The following SDK1 variants were observed in gnomAD, a reference collection of about 807,000 sequenced individuals.
SDK1 encodes sidekick cell adhesion molecule 1.
In SDK1, 157 loss-of-function variants were observed where a neutral mutation model predicts 245.5. The observed-to-expected ratio is 0.64, with a 90% CI of 0.56 to 0.73. The LOEUF is 0.73. SDK1 is among the 30% of genes least tolerant of loss of function. The pLI is 0.00. For missense variants in SDK1, 3,583 were observed against 3,002.3 expected, an observed-to-expected ratio of 1.19 and a Z score of -4.52; for synonymous variants, 1,647 against 1,278.5, an observed-to-expected ratio of 1.29 and a Z score of -6.15.
chr7:3,698,926 G>A (rs1206853876), intron 4 of SDK1, among the ~76,000 whole-genome samples: 1 of 152,134 alleles, frequency 6.6e-6, no homozygotes, highest in Non-Finnish European at 1.5e-5. Context: ...GGACACAAAG[G>A]ATCAGTCTAT....
intron 1 of SDK1, among the ~76,000 whole-genome samples, chr7:3,602,330 C>G (rs1482372019): frequency 6.6e-6 from 1 of 151,116 alleles, no homozygotes; most frequent in Non-Finnish European, 1.5e-5. Context: ...CACATCCTCT[C>G]CAGCACCTGT....
chr7:3,641,840 G>C, intron 3 of SDK1, 118 bp from the exon 4 acceptor site: 2 of 805,234 alleles, frequency 2.5e-6, no homozygotes, highest in South Asian at 1.8e-5. Flanking sequence ...GCTCGTCCTG[G>C]TGTGAAATGT....
At chr7:3,969,029 T>C (rs1179254923) in intron 10 of SDK1, among the ~76,000 whole-genome samples, 2 of 152,026 alleles carry the variant, frequency 1.3e-5, no homozygotes, top group Non-Finnish European at 2.9e-5. Context: ...AACCATCAGA[T>C]CTCATGAGAA....
At chr7:4,221,855 C>A (rs1182255001) in intron 40 of SDK1, among the ~76,000 whole-genome samples, 1 of 152,156 alleles carries the variant, frequency 6.6e-6, no homozygotes, top group Non-Finnish European at 1.5e-5. Flanking sequence ...CCATTTCCAG[C>A]CTTATTCACC....
At chr7:4,102,842 C>G (rs909257173) in intron 22 of SDK1, among the ~76,000 whole-genome samples, 4 of 151,958 alleles carry the variant, frequency 2.6e-5, no homozygotes, top group African/African-American at 4.8e-5. Flanking sequence ...AGACAGACAG[C>G]TCCCCTAATG....
intron 1 of SDK1, among the ~76,000 whole-genome samples, chr7:3,556,541 C>T (rs575590552): frequency 1.8e-4 from 27 of 152,154 alleles, no homozygotes; most frequent in African/African-American, 6.0e-4. Context: ...AACTAGAGGC[C>T]AGGTGTGGTG....
chr7:3,662,684 T>C (rs1783403351), intron 4 of SDK1, among the ~76,000 whole-genome samples: 1 of 152,222 alleles, frequency 6.6e-6, no homozygotes, highest in South Asian at 2.1e-4. Flanking sequence ...TCTAAATGTG[T>C]CTCACAGATG....
intron 4 of SDK1, among the ~76,000 whole-genome samples, chr7:3,812,779 G>A (rs1188977529): frequency 6.6e-6 from 1 of 152,114 alleles, no homozygotes; most frequent in Non-Finnish European, 1.5e-5. Context: ...TTTCTCCTCT[G>A]AGCAAGCCTG....
intron 5 of SDK1, among the ~76,000 whole-genome samples, chr7:3,880,988 C>T (rs78665304): frequency 6.6e-6 from 1 of 152,044 alleles, no homozygotes; most frequent in East Asian, 1.9e-4. Flanking sequence ...GCCCACTCAC[C>T]CTTGAGAACA....
intron 40 of SDK1, among the ~76,000 whole-genome samples, chr7:4,231,851 G>C (rs964584913): frequency 1.1e-4 from 16 of 152,100 alleles, no homozygotes; most frequent in African/African-American, 3.9e-4. Context: ...GATTCCGGGT[G>C]GGTGATAAGG....
intron 34 of SDK1, among the ~76,000 whole-genome samples, chr7:4,177,724 A>G (rs1782301617): frequency 6.6e-6 from 1 of 152,224 alleles, no homozygotes; most frequent in East Asian, 1.9e-4. Flanking sequence ...GGAGGATTCA[A>G]GTGCATCCCA....
At chr7:4,148,911 C>T (rs926276277) in intron 29 of SDK1, among the ~76,000 whole-genome samples, 3 of 152,144 alleles carry the variant, frequency 2.0e-5, no homozygotes, top group East Asian at 1.9e-4. Context: ...CAAAAATTAG[C>T]TGGGCGTGGT....
At chr7:3,586,895 G>C (rs1004242541) in intron 1 of SDK1, among the ~76,000 whole-genome samples, 4 of 152,170 alleles carry the variant, frequency 2.6e-5, no homozygotes, top group African/African-American at 7.2e-5. Context: ...GCTGTTGTGA[G>C]AGCCAGCGTA....
At chr7:3,912,886 C>T (rs1779226318) in intron 5 of SDK1, among the ~76,000 whole-genome samples, 1 of 152,186 alleles carries the variant, frequency 6.6e-6, no homozygotes, top group South Asian at 2.1e-4. Flanking sequence ...AGTGCAGTGA[C>T]CTTTCCACTA....
chr7:3,363,453 C>G (rs549353415), intron 1 of SDK1, among the ~76,000 whole-genome samples: 2 of 151,964 alleles, frequency 1.3e-5, no homozygotes, highest in African/African-American at 4.8e-5. Flanking sequence ...TATTGTGTAT[C>G]CATTTTTTTC....
At chr7:4,263,456 CCTCTCTTGAGTGAGGGAGTCCGCGTAGAT>C (rs1788188118) in intron 44 of SDK1, among the ~76,000 whole-genome samples, 5 of 148,926 alleles carry the variant, frequency 3.4e-5, no homozygotes, top group African/African-American at 4.9e-5. Flanking sequence ...GCCGCGTAGA[CCTCTCTTGAGTGAGGGAGTCCGCGTAGAT>C]CTCTCCTGAG....
chr7:3,429,162 C>T (rs1005979825), intron 1 of SDK1, among the ~76,000 whole-genome samples: 2 of 152,024 alleles, frequency 1.3e-5, no homozygotes, highest in South Asian at 2.1e-4. Flanking sequence ...GTTCAGGGTA[C>T]AAGAGAACTG....
chr7:3,996,231 A>T (rs1004731728), intron 14 of SDK1, among the ~76,000 whole-genome samples: 5 of 152,082 alleles, frequency 3.3e-5, no homozygotes, highest in Non-Finnish European at 7.4e-5. Flanking sequence ...CTTGTGGATT[A>T]TTTAGTTCCA....
chr7:4,012,228 A>C lies in SDK1; in HGVS notation c.2413A>C (p.Ile805Leu), dbSNP rs761831420. Residue 805 changes from isoleucine (I) to leucine (L), a missense_variant, in exon 16 of 45, where the codon ATC (isoleucine) becomes CTC (leucine). Ile to Leu is a conservative substitution (Grantham distance 5). Transcript: ENST00000404826. ...GCACAACGGGGTGTTGCGTGGATAC[A>C]TCCTCAGGCAAGTGCCCTGTGATTG... ...TEHNGVLRGYILRYRLAGLPG... is the reference protein window; with the variant it reads ...TEHNGVLRGYLLRYRLAGLPG... 6.6e-7 allele frequency: 1 copy of C among 1,509,462 alleles called. No individual in the cohort carries two copies. The highest frequency in any genetic ancestry group is 8.8e-7 in the Non-Finnish European group (1 of 1,131,418). The allele number at this position is 1,509,462 out of a possible 1,614,324, so 93.5% of individuals were successfully genotyped here. A position where few individuals can be genotyped will look rare whatever the true frequency, so the allele number is the denominator to read the frequency against.
Sources: allele counts gnomAD v4.1 joint callset (sites outside exome capture counted in the v4.1 genomes callset), GRCh38; gene constraint gnomAD v4.1.1; transcripts MANE v1.5; gene names NCBI Gene and HGNC (gene_info 2026-07-23, HGNC 2026-07-21).